Variants in TMEM144 observed in about 807,000 individuals in gnomAD.
TMEM144 encodes transmembrane protein 144.
TMEM144 carries 39 observed loss-of-function variants against 43.6 expected under a neutral mutation model. That is an observed-to-expected ratio of 0.90 (90% CI 0.69 to 1.17). TMEM144 has a LOEUF of 1.17. Ranked by LOEUF, TMEM144 falls within the 50% of genes most tolerant of loss-of-function variation. The pLI, the probability that TMEM144 is intolerant of heterozygous loss-of-function variation, is 0.00. For missense variants in TMEM144, 417 were observed against 411.9 expected (o/e 1.01, Z -0.11); for synonymous variants, 154 against 133.6 (o/e 1.15, Z -1.06).
At chr4:158,213,093 T>A in intron 3 of TMEM144, 3 of 447,502 alleles carry the variant, frequency 6.7e-6, no homozygotes, top group Non-Finnish European at 1.2e-5. Flanking sequence ...TCAACATGAT[T>A]GATATATTAG....
chr4:158,223,517 G>C (rs1426590169), intron 6 of TMEM144, among the ~76,000 whole-genome samples: 1 of 152,102 alleles, frequency 6.6e-6, no homozygotes, highest in African/African-American at 2.4e-5. Flanking sequence ...GTGTACCATG[G>C]TGGTTTGCTG....
chr4:158,212,499 CAAAAAGGAGTCTTAGCGTGCTTTTGAA>C (rs1379307424), intron 2 of TMEM144, 82 bp from the exon 3 acceptor site: 1 of 517,040 alleles, frequency 1.9e-6, no homozygotes, highest in Non-Finnish European at 3.4e-6. Context: ...ATCCTATCTG[CAAAAAGGAGTCTTAGCGTGCTTTTGAA>C]AAATTCAATA....
At chr4:158,219,268 T>G (rs1377114575) in intron 5 of TMEM144, 42 bp from the exon 6 acceptor site, 1 of 1,601,022 alleles carries the variant, frequency 6.2e-7, no homozygotes, top group Non-Finnish European at 8.6e-7. Context: ...TGGTGAAACA[T>G]CTTAACAATA....
At chr4:158,217,181 G>C in intron 4 of TMEM144, 140 bp from the exon 5 acceptor site, 1 of 558,226 alleles carries the variant, frequency 1.8e-6, no homozygotes, top group East Asian at 3.0e-5. Context: ...TTATTTTACT[G>C]AAAAAATAAG....
At chr4:158,220,536 T>C (rs1381338296) in intron 6 of TMEM144, among the ~76,000 whole-genome samples, 1 of 152,234 alleles carries the variant, frequency 6.6e-6, no homozygotes, top group Non-Finnish European at 1.5e-5. Flanking sequence ...TTCTACCACT[T>C]CCACCTATGT....
At position 158,231,934 on chromosome 4, in the gene TMEM144, C is replaced by T. The variant is rs183870960; in HGVS notation, c.414-967C>T. On this transcript the variant is annotated intron_variant, in intron 6 of 12. Transcript: ENST00000296529. Reference sequence around the variant, plus strand: ...CCTAACTAGAGCATTTTAATTTTTACACAAAAGACAGCATATGATAGACAC... The same window carrying T: ...CCTAACTAGAGCATTTTAATTTTTATACAAAAGACAGCATATGATAGACAC... 6.8e-4 allele frequency among the ~76,000 whole-genome samples: 103 copies of T among 152,244 alleles called. 2 individuals are homozygous for T. The highest frequency in any genetic ancestry group is 1.8e-4 in the Non-Finnish European group (12 of 67,998).
At chr4:158,235,709 T>C in intron 8 of TMEM144, 1 of 433,736 alleles carries the variant, frequency 2.3e-6, no homozygotes, top group Non-Finnish European at 4.1e-6. Flanking sequence ...TTTGAGTAAT[T>C]ACTAAATCAT....
intron 6 of TMEM144, among the ~76,000 whole-genome samples, chr4:158,231,178 G>C (rs898049993): frequency 6.6e-6 from 1 of 152,176 alleles, no homozygotes; most frequent in African/African-American, 2.4e-5. Flanking sequence ...TACACAGAAC[G>C]TGGAGGGTTG....
chr4:158,223,031 T>C (rs780251747), intron 6 of TMEM144, among the ~76,000 whole-genome samples: 67 of 152,214 alleles, frequency 4.4e-4, no homozygotes, highest in Non-Finnish European at 1.2e-4. Flanking sequence ...TAAAATAAAT[T>C]TGATCACCTT....
At chr4:158,228,826 C>A (rs756983188) in intron 6 of TMEM144, among the ~76,000 whole-genome samples, 4 of 152,154 alleles carry the variant, frequency 2.6e-5, no homozygotes, top group Non-Finnish European at 5.9e-5. Flanking sequence ...CGGCCAGGAG[C>A]ATCGGGCAAG....
intron 11 of TMEM144, among the ~76,000 whole-genome samples, chr4:158,242,454 T>A (rs1000147629): frequency 7.9e-5 from 12 of 152,228 alleles, no homozygotes; most frequent in South Asian, 4.1e-4. Context: ...AAAACTTTTT[T>A]AAACTTAAAA....
intron 6 of TMEM144, among the ~76,000 whole-genome samples, chr4:158,229,461 A>G (rs1734950652): frequency 6.6e-6 from 1 of 151,952 alleles, no homozygotes; most frequent in Admixed American, 6.6e-5. Context: ...CTGTTAGAGG[A>G]TCTCACCCAG....
intron 12 of TMEM144, among the ~76,000 whole-genome samples, chr4:158,248,342 A>G (rs1735998909): frequency 6.6e-6 from 1 of 152,094 alleles, no homozygotes; most frequent in Non-Finnish European, 1.5e-5. Context: ...TGAGATGGGA[A>G]GATGGCTTGA....
chr4:158,223,330 T>C (rs993990641), intron 6 of TMEM144, among the ~76,000 whole-genome samples: 3 of 152,236 alleles, frequency 2.0e-5, no homozygotes, highest in African/African-American at 7.2e-5. Flanking sequence ...CCCCATTTTT[T>C]AGTTGAAAAC....
At chr4:158,244,216 G>A (rs762595352) in intron 11 of TMEM144, 80 bp from the exon 12 acceptor site, 2 of 1,060,632 alleles carry the variant, frequency 1.9e-6, no homozygotes, top group Non-Finnish European at 2.7e-6. Context: ...TGTTTATACT[G>A]TCTCTAACTT....
chr4:158,220,792 C>T (rs1734471711), intron 6 of TMEM144, among the ~76,000 whole-genome samples: 1 of 152,154 alleles, frequency 6.6e-6, no homozygotes. Flanking sequence ...CTTTATGTTA[C>T]AGTAGGCAGT....
intron 4 of TMEM144, among the ~76,000 whole-genome samples, chr4:158,215,560 A>G (rs1405838275): frequency 2.6e-5 from 4 of 152,196 alleles, no homozygotes; most frequent in Non-Finnish European, 5.9e-5. Flanking sequence ...TTATTATAGT[A>G]AAAACATTTT....
At chr4:158,215,094 T>C in intron 3 of TMEM144, 97 bp from the exon 4 acceptor site, 1 of 1,473,456 alleles carries the variant, frequency 6.8e-7, no homozygotes, top group South Asian at 1.2e-5. Flanking sequence ...ATTTAATAAA[T>C]TGTGGCCATT....
intron 12 of TMEM144, 59 bp from the exon 13 acceptor site, chr4:158,253,385 C>G: frequency 7.1e-7 from 1 of 1,413,826 alleles, no homozygotes; most frequent in Non-Finnish European, 9.9e-7. Flanking sequence ...GAGAGTCTGT[C>G]CATTTTGTGT....
Sources: allele counts gnomAD v4.1 joint callset (sites outside exome capture counted in the v4.1 genomes callset), GRCh38; gene constraint gnomAD v4.1.1; transcripts MANE v1.5; gene names NCBI Gene and HGNC (gene_info 2026-07-23, HGNC 2026-07-21).